SIM2: variants seen among roughly 807,000 people sequenced by gnomAD.
The protein encoded by SIM2 is SIM bHLH transcription factor 2, also known as single-minded homolog 2.
Under a neutral mutation model 64.8 loss-of-function variants are expected in SIM2, and 28 were observed. The observed-to-expected ratio is 0.43, with a 90% CI of 0.32 to 0.59. The LOEUF is 0.59. SIM2 is among the 20% of genes least tolerant of loss of function. The probability of loss-of-function intolerance (pLI) is 0.07; values close to 1 mark genes in which losing one functional copy is unlikely to be tolerated. For missense variants in SIM2, 847 were observed against 871.4 expected (o/e 0.97, Z 0.35); for synonymous variants, 408 against 391.1 (o/e 1.04, Z -0.51).
chr21:36,718,260 C>A (rs1032069521), intron 3 of SIM2, among the ~76,000 whole-genome samples: 12 of 152,314 alleles, frequency 7.9e-5, no homozygotes, highest in African/African-American at 2.6e-4. Flanking sequence ...CCCTCCACGA[C>A]CCCTTGGTCC....
chr21:36,733,983 G>A (rs1207242351), intron 7 of SIM2, among the ~76,000 whole-genome samples: 2 of 152,148 alleles, frequency 1.3e-5, no homozygotes, highest in African/African-American at 4.8e-5. Context: ...TCTGACCTGC[G>A]GGCAGTTTGG....
At chr21:36,715,165 CG>C (rs1483251627) in intron 3 of SIM2, among the ~76,000 whole-genome samples, 13 of 152,146 alleles carry the variant, frequency 8.5e-5, no homozygotes, top group African/African-American at 3.1e-4. Flanking sequence ...CCCTCTTTGT[CG>C]GTGTCTAGGG....
rs377481674 is a variant in SIM2 at position 36,699,866 on chromosome 21, G to A, written c.120G>A (p.Ala40=). The change falls in exon 1 of 11, where the codon GCG becomes GCA. Residue 40 remains alanine (A), a synonymous_variant. Coordinates refer to ENST00000290399, the MANE Select transcript of SIM2 (RefSeq NM_005069.6). This position sits in a 1 kb window ranked among gnomAD's most constrained non-coding sequence, Gnocchi z 5.6. Reference sequence around the variant, plus strand: ...CCATCACTTCGCAGCTGGACAAAGCGTCCATCATCCGCCTCACCACGAGCT... The same window carrying A: ...CCATCACTTCGCAGCTGGACAAAGCATCCATCATCCGCCTCACCACGAGCT... ...PSAITSQLDK[A]SIIRLTTSYL... 25 of 1,608,942 alleles carry A rather than the reference G, an allele frequency of 1.6e-5. No individual in the cohort carries two copies. The highest frequency in any genetic ancestry group is 1.6e-4 in the Middle Eastern group (1 of 6,076).
At chr21:36,741,892 T>C (rs1420086696) in intron 8 of SIM2, 28 bp downstream of exon 8, 2 of 1,528,798 alleles carry the variant, frequency 1.3e-6, no homozygotes, top group African/African-American at 1.4e-5. Flanking sequence ...GTTTCTCTCC[T>C]TGCTCTTTTC....
chr21:36,712,489 A>T (rs1226289381), intron 2 of SIM2, 44 bp from the exon 3 acceptor site: 1 of 1,307,820 alleles, frequency 7.6e-7, no homozygotes, highest in African/African-American at 1.4e-5. Flanking sequence ...TTTAACTCTA[A>T]TGTAGAATGA....
rs146384494 is a variant in SIM2 at position 36,719,913 on chromosome 21, C to T, written c.441C>T (p.His147=). Residue 147 remains histidine (H), a synonymous_variant, in exon 4 of 11, where the codon CAC becomes CAT. Transcript: ENST00000290399. ...TAVLTAHQPL[H]HHLLQEYEIE... is the part of the protein sequence containing the mutation. ...TCCTCACGGCCCACCAGCCGCTGCA[C>T]CACCACCTGCTCCAAGGTATTCCAT... 7.5e-6 allele frequency: 12 copies of T among 1,605,630 alleles called. No homozygotes were observed. Among genetic ancestry groups the T allele is most frequent in the Non-Finnish European group, 1.0e-5 (12 of 1,173,080 alleles).
chr21:36,713,696 T>A lies in SIM2; in HGVS notation c.348+1074T>A, dbSNP rs1331511931. Among the ~76,000 whole-genome samples the A allele has an allele frequency of 5.9e-5, 9 of 152,244 alleles. No homozygotes were observed. In the East Asian group the frequency reaches 1.7e-3, roughly 29 times the overall value. ...CATTGAAAAACAAAATGACCACATT[T>A]GGCAAACTGCATCTGGTGTATTCCT... On this transcript the variant is annotated intron_variant, in intron 3 of 10. Coordinates refer to ENST00000290399, the MANE Select transcript of SIM2 (RefSeq NM_005069.6).
In SIM2 at chr21:36,709,180, C is replaced by T. The variant is rs116988298; in HGVS notation, c.188C>T (p.Ala63Val). 0.047 allele frequency: 75,435 copies of T among 1,608,752 alleles called. 2,090 individuals are homozygous for T. Among genetic ancestry groups the T allele is most frequent in the Non-Finnish European group, 0.056 (66,312 of 1,178,052 alleles). The change falls in exon 2 of 11, where the codon GCG becomes GTG. Residue 63 changes from alanine to valine, a missense_variant. Ala to Val is a moderately conservative substitution (Grantham distance 64). This residue lies in a region of SIM2 where 397 missense variants were observed against 439.2 expected (regional missense o/e 0.90). Coordinates refer to ENST00000290399, the MANE Select transcript of SIM2 (RefSeq NM_005069.6). ...RAVFPEGLGDAWGQPSRAGPL... is the reference protein window; with the variant it reads ...RAVFPEGLGDVWGQPSRAGPL... ...GTCCCTCGTCCAGGTTTAGGAGACGCGTGGGGACAGCCGAGCCGCGCCGGG... is the reference window on the plus strand; with the variant it reads ...GTCCCTCGTCCAGGTTTAGGAGACGTGTGGGGACAGCCGAGCCGCGCCGGG...
intron 4 of SIM2, chr21:36,720,206 TG>T (rs1361601092): frequency 2.6e-6 from 1 of 385,016 alleles, no homozygotes; most frequent in African/African-American, 2.0e-5. Context: ...GCTCCCCTCG[TG>T]CTCTTGGGTC....
chr21:36,744,330 AAAG>A (rs957062286), intron 9 of SIM2, among the ~76,000 whole-genome samples: 3 of 148,560 alleles, frequency 2.0e-5, no homozygotes, highest in South Asian at 2.1e-4. Flanking sequence ...AAAAAAAAAG[AAAG>A]AAGGAAAAGA....
chr21:36,729,777 C>T (rs143449538), intron 6 of SIM2, among the ~76,000 whole-genome samples: 5 of 152,238 alleles, frequency 3.3e-5, no homozygotes, highest in East Asian at 3.9e-4. Flanking sequence ...ACATGGTGCC[C>T]GGCCCCATTG....
intron 7 of SIM2, among the ~76,000 whole-genome samples, chr21:36,737,155 C>T (rs2089073779): frequency 6.6e-6 from 1 of 152,194 alleles, no homozygotes; most frequent in Non-Finnish European, 1.5e-5. Flanking sequence ...GCTTAAGCTC[C>T]TGTGTTCAAG....
chr21:36,736,627 A>G (rs1350788905), intron 7 of SIM2, among the ~76,000 whole-genome samples: 7 of 152,130 alleles, frequency 4.6e-5, no homozygotes, highest in Admixed American at 4.6e-4. Flanking sequence ...AGAAGGGGGC[A>G]TGCGGGCGTC....
chr21:36,723,150 C>A lies in SIM2; in HGVS notation c.543+20C>A. The A allele has an allele frequency of 3.1e-6, 5 of 1,599,814 alleles. No individual in the cohort carries two copies. Among genetic ancestry groups the A allele is most frequent in the Non-Finnish European group, 4.3e-6 (5 of 1,167,140 alleles). On this transcript the variant is annotated intron_variant, in intron 5 of 10. Transcript: ENST00000290399. ...TACAAGGTACGGGGAGTCATGGGTG[C>A]GGGGAGGAGCTGGCTAAGGGTCTTC...
rs2089210826 is a variant in SIM2 at position 36,744,963 on chromosome 21, C to T, written c.1403C>T (p.Pro468Leu). 1 of 1,614,156 alleles carries T rather than the reference C, an allele frequency of 6.2e-7. No individual in the cohort carries two copies. The highest frequency in any genetic ancestry group is 1.7e-5 in the Admixed American group (1 of 60,014). The change falls in exon 10 of 11, where the codon CCC becomes CTC. Residue 468 changes from proline to leucine, a missense_variant. Around this residue, in one of 3 missense-constraint regions of SIM2, gnomAD observed 447 missense variants for 414.6 expected, o/e 1.08. Transcript: ENST00000290399. ...KPMLPAKFGQ[P>L]QGSPCEVARF... ...ATGTTGCCGGCCAAGTTCGGGCAGC[C>T]CCAAGGATCCCCTTGTGAGGTGGCA...
At position 36,699,607 on chromosome 21, in the gene SIM2, C is replaced by T. The variant is rs2088454062; in HGVS notation, c.-140C>T. The T allele has an allele frequency of 3.3e-6, 3 of 899,710 alleles. No individual in the cohort carries two copies. The highest frequency in any genetic ancestry group is 3.2e-6 in the Non-Finnish European group (2 of 630,786). The allele number at this position is 899,710 out of a possible 1,614,324, so 55.7% of individuals were successfully genotyped here. ...GAGGCGTCTCGGAACCCCGGGAGGC[C>T]CCCCGCACCTGCCCGCGGCCCACTC... On this transcript the variant is annotated 5_prime_UTR_variant, in exon 1 of 11. Coordinates refer to ENST00000290399, the MANE Select transcript of SIM2 (RefSeq NM_005069.6). This position sits in a 1 kb window ranked among gnomAD's most constrained non-coding sequence, Gnocchi z 5.6.
intron 1 of SIM2, 65 bp from the exon 2 acceptor site, chr21:36,709,103 T>C (rs2088633377): frequency 7.0e-7 from 1 of 1,438,356 alleles, no homozygotes; most frequent in South Asian, 1.3e-5. Context: ...CCGCGTGACC[T>C]GCCCGGCTCC....
intron 6 of SIM2, among the ~76,000 whole-genome samples, chr21:36,730,434 T>C (rs953038455): frequency 3.3e-5 from 5 of 152,132 alleles, no homozygotes; most frequent in African/African-American, 1.2e-4. Flanking sequence ...GAAAAATTCC[T>C]AGAGACAGAA....
chr21:36,712,435 T>C (rs1396368250), intron 2 of SIM2, 98 bp from the exon 3 acceptor site: 1 of 816,162 alleles, frequency 1.2e-6, no homozygotes, highest in African/African-American at 1.7e-5. Flanking sequence ...TTGATGGTCA[T>C]ATTTGATGCA....
Sources: allele counts gnomAD v4.1 joint callset (sites outside exome capture counted in the v4.1 genomes callset), GRCh38; gene constraint gnomAD v4.1.1; regional missense constraint gnomAD v4.1.1; non-coding constraint Gnocchi (gnomAD v3.1); transcripts MANE v1.5; gene names NCBI Gene and HGNC (gene_info 2026-07-23, HGNC 2026-07-21).